IER5L: variants seen among roughly 807,000 people sequenced by gnomAD.
IER5L encodes immediate early response gene 5-like protein.
A neutral mutation model predicts 28.3 loss-of-function variants in IER5L; 6 were observed. The ratio of observed to expected loss-of-function variants is 0.21; its 90% CI spans 0.12 to 0.42. The LOEUF (loss-of-function observed/expected upper bound fraction) is 0.42, where lower values mean the gene tolerates loss of function less well. Ranked by LOEUF, IER5L falls within the 10% of genes least tolerant of loss-of-function variation. IER5L has a pLI of 1.00. For missense variants in IER5L, 607 were observed against 575.2 expected (o/e 1.06, Z -0.56); for synonymous variants, 351 against 282.5 (o/e 1.24, Z -2.43).
chr9:129,177,093 C>T lies in IER5L; in HGVS notation c.960G>A (p.Gly320=). ...CGCCCCCGGGGGGCTCGGCCCCCAG[C>T]CCGCCCGCATCCTCCTCGTCGTCTT... ...EEEDDEEDAG[G]LGAEPPGGAP... Residue 320 remains glycine (G), a synonymous_variant, in exon 1 of 1, where the codon GGG becomes GGA. Coordinates refer to ENST00000372491, the MANE Select transcript of IER5L (RefSeq NM_203434.3). The T allele has an allele frequency of 6.8e-7, 1 of 1,462,652 alleles. No homozygotes were observed. Among genetic ancestry groups the T allele is most frequent in the Non-Finnish European group, 9.0e-7 (1 of 1,108,846 alleles). 90.6% of individuals were successfully genotyped at this position (1,462,652 alleles called of 1,614,324 possible). A position where few individuals can be genotyped will look rare whatever the true frequency, so the allele number is the denominator to read the frequency against.
At position 129,177,679 on chromosome 9, in the gene IER5L, T is replaced by A; in HGVS notation, c.374A>T (p.Gln125Leu). 1 of 1,403,746 alleles carries A rather than the reference T, an allele frequency of 7.1e-7. No individual in the cohort carries two copies. The highest frequency in any genetic ancestry group is 9.3e-7 in the Non-Finnish European group (1 of 1,080,870). 87.0% of individuals were successfully genotyped at this position (1,403,746 alleles called of 1,614,324 possible). ...HQLHQLHLQQ[Q>L]LHQHQHPAPR... ...CGCCGGGTGCTGGTGCTGGTGCAGC[T>A]GCTGCTGGAGGTGCAGCTGGTGGAG... The change falls in exon 1 of 1, where the codon CAG becomes CTG. Residue 125 changes from glutamine (Q) to leucine (L), a missense_variant. Coordinates refer to ENST00000372491, the MANE Select transcript of IER5L (RefSeq NM_203434.3).
Position 129,176,661 on chromosome 9 carries a change from T to G in IER5L, c.*177A>C. On this transcript the variant is annotated 3_prime_UTR_variant, in exon 1 of 1. Coordinates refer to ENST00000372491, the MANE Select transcript of IER5L (RefSeq NM_203434.3). ...TCTGCAAAAATAAAGTCCAAGATTTTAGATTTCTTTTTTTTTTATTTTACA... is the reference window on the plus strand; with the variant it reads ...TCTGCAAAAATAAAGTCCAAGATTTGAGATTTCTTTTTTTTTTATTTTACA... The G allele has an allele frequency of 1.1e-6, 1 of 888,392 alleles. No individual in the cohort carries two copies. The highest frequency in any genetic ancestry group is 1.5e-6 in the Non-Finnish European group (1 of 648,946). The allele number at this position is 888,392 out of a possible 1,614,324, so 55.0% of individuals were successfully genotyped here.
rs1319607009 is a variant in IER5L at position 129,177,134 on chromosome 9, C to A, written c.919G>T (p.Gly307Cys). ...TCGTCGTCTTCCTCCTCCTCCTGGC[C>A]AGGGTAATACTTGCGCTTGCAGCCG... ...AAGCKRKYYP[G>C]QEEEEDDEED... Residue 307 changes from glycine (G) to cysteine (C), a missense_variant, in exon 1 of 1, where the codon GGC becomes TGC. By Grantham distance (159) the Gly-to-Cys change is radical. Transcript: ENST00000372491. 2 of 1,459,402 alleles carry A rather than the reference C, an allele frequency of 1.4e-6. No homozygotes were observed. The highest frequency in any genetic ancestry group is 3.0e-5 in the African/African-American group (2 of 67,306). 90.4% of individuals were successfully genotyped at this position (1,459,402 alleles called of 1,614,324 possible). A position where few individuals can be genotyped will look rare whatever the true frequency, so the allele number is the denominator to read the frequency against.
rs1456149884 is a variant in IER5L, at chr9:129,177,797, C to T, written c.256G>A (p.Ala86Thr). 3.3e-6 allele frequency: 5 copies of T among 1,501,140 alleles called. No individual in the cohort carries two copies. The highest frequency in any genetic ancestry group is 2.7e-6 in the Non-Finnish European group (3 of 1,130,002). 93.0% of individuals were successfully genotyped at this position (1,501,140 alleles called of 1,614,324 possible). ...AGTTGGAGCGGGCCGAAGTCGGCCG[C>T]GCTGGCCGGCATGCCCGGCGCCGCG... ...AYAAPGMPAS[A>T]ADFGPLQLGG... Residue 86 changes from alanine (A) to threonine (T), a missense_variant, in exon 1 of 1, where the codon GCG (alanine) becomes ACG (threonine). Ala to Thr is a moderately conservative substitution (Grantham distance 58). Coordinates refer to ENST00000372491, the MANE Select transcript of IER5L (RefSeq NM_203434.3).
In IER5L at chr9:129,177,756, G is replaced by C; in HGVS notation, c.297C>G (p.Asp99Glu). The C allele has an allele frequency of 6.9e-7, 1 of 1,454,544 alleles. No homozygotes were observed. The highest frequency in any genetic ancestry group is 9.0e-7 in the Non-Finnish European group (1 of 1,109,516). The allele number at this position is 1,454,544 out of a possible 1,614,324, so 90.1% of individuals were successfully genotyped here. A position where few individuals can be genotyped will look rare whatever the true frequency, so the allele number is the denominator to read the frequency against. ...FGPLQLGGGGDAEAREPAARH... is the reference protein window; with the variant it reads ...FGPLQLGGGGEAEAREPAARH... ...GGGCGGCCGGCTCGCGCGCCTCCGC[G>C]TCCCCGCCGCCGCCAAGTTGGAGCG... Residue 99 changes from aspartate (D) to glutamate (E), a missense_variant, in exon 1 of 1, where the codon GAC (aspartate) becomes GAG (glutamate). Physicochemically the swap from Asp to Glu is conservative, Grantham distance 45. Transcript: ENST00000372491.
Position 129,178,039 on chromosome 9 carries a change from A to G in IER5L, c.14T>C (p.Leu5Pro). 6.6e-7 allele frequency: 1 copy of G among 1,505,896 alleles called. No homozygotes were observed. The highest frequency in any genetic ancestry group is 8.9e-7 in the Non-Finnish European group (1 of 1,125,052). The allele number at this position is 1,505,896 out of a possible 1,614,324, so 93.3% of individuals were successfully genotyped here. Residue 5 changes from leucine (L) to proline (P), a missense_variant, in exon 1 of 1, where the codon CTG becomes CCG. Leu to Pro is a moderately conservative substitution (Grantham distance 98, BLOSUM62 -3). Coordinates refer to ENST00000372491, the MANE Select transcript of IER5L (RefSeq NM_203434.3). MECA[L>P]DAQSLISISL... Reference sequence around the variant, plus strand: ...GATGCTGATCAGGCTCTGGGCGTCCAGGGCGCACTCCATGCTCCCGCGGAG... The same window carrying G: ...GATGCTGATCAGGCTCTGGGCGTCCGGGGCGCACTCCATGCTCCCGCGGAG...
Position 129,177,853 on chromosome 9 carries a change from G to A in IER5L, c.200C>T (p.Pro67Leu). The change falls in exon 1 of 1, where the codon CCG becomes CTG. Residue 67 changes from proline to leucine, a missense_variant. Pro to Leu is a moderately conservative substitution (Grantham distance 98). Transcript: ENST00000372491. ...RRQQQQQQQQ[P>L]PHHQHQHLAY... ...TAGGTGCTGGTGCTGGTGGTGGGGCGGCTGCTGCTGTTGCTGCTGCTGCTG... is the reference window on the plus strand; with the variant it reads ...TAGGTGCTGGTGCTGGTGGTGGGGCAGCTGCTGCTGTTGCTGCTGCTGCTG... 6.5e-7 allele frequency: 1 copy of A among 1,540,008 alleles called. No individual in the cohort carries two copies. The highest frequency in any genetic ancestry group is 1.2e-5 in the South Asian group (1 of 83,198).
Position 129,177,781 on chromosome 9 carries a change from G to T in IER5L, c.272C>A (p.Pro91Gln). The T allele has an allele frequency of 6.8e-7, 1 of 1,473,894 alleles. No individual in the cohort carries two copies. The highest frequency in any genetic ancestry group is 1.3e-5 in the South Asian group (1 of 76,718). 91.3% of individuals were successfully genotyped at this position (1,473,894 alleles called of 1,614,324 possible). A position where few individuals can be genotyped will look rare whatever the true frequency, so the allele number is the denominator to read the frequency against. The stretch of plus-strand genomic sequence containing the variant: ...GTCCCCGCCGCCGCCAAGTTGGAGC[G>T]GGCCGAAGTCGGCCGCGCTGGCCGG... Reference protein sequence around the residue: ...GMPASAADFGPLQLGGGGDAE... With the variant: ...GMPASAADFGQLQLGGGGDAE... Residue 91 changes from proline to glutamine, a missense_variant, in exon 1 of 1, where the codon CCG (proline) becomes CAG (glutamine). Coordinates refer to ENST00000372491, the MANE Select transcript of IER5L (RefSeq NM_203434.3).
In IER5L at chr9:129,176,702, G is replaced by GCCGCCTGCCC. The variant is rs1461240159; in HGVS notation, c.*126_*135dup. On this transcript the variant is annotated 3_prime_UTR_variant, in exon 1 of 1. Coordinates refer to ENST00000372491, the MANE Select transcript of IER5L (RefSeq NM_203434.3). ...TTATTTTACAATTTATAAAACATCAGCCGCCTGCCCCCGCTCGCCCCCAGC... is the reference window on the plus strand; with the variant it reads ...TTATTTTACAATTTATAAAACATCAGCCGCCTGCCCCCGCCTGCCCCCGCTCGCCCCCAGC... The GCCGCCTGCCC allele has an allele frequency of 9.2e-7, 1 of 1,090,012 alleles. No homozygotes were observed. 67.5% of individuals were successfully genotyped at this position (1,090,012 alleles called of 1,614,324 possible).
chr9:129,177,768 G>A lies in IER5L; in HGVS notation c.285C>T (p.Gly95=). The stretch of plus-strand genomic sequence containing the variant: ...CGCGCGCCTCCGCGTCCCCGCCGCC[G>A]CCAAGTTGGAGCGGGCCGAAGTCGG... ...SAADFGPLQL[G]GGGDAEAREP... Residue 95 remains glycine (G), a synonymous_variant, in exon 1 of 1, where the codon GGC becomes GGT. Coordinates refer to ENST00000372491, the MANE Select transcript of IER5L (RefSeq NM_203434.3). 6.8e-7 allele frequency: 1 copy of A among 1,461,198 alleles called. No homozygotes were observed. The highest frequency in any genetic ancestry group is 1.3e-5 in the South Asian group (1 of 74,914). The allele number at this position is 1,461,198 out of a possible 1,614,324, so 90.5% of individuals were successfully genotyped here.
chr9:129,178,093 T>C lies in IER5L; in HGVS notation c.-41A>G. ...GCGGCGGAGCAGCCGCCGCCGCTGCTGCTGTTAACGCTTCTGCTGTTTCTG... is the reference window on the plus strand; with the variant it reads ...GCGGCGGAGCAGCCGCCGCCGCTGCCGCTGTTAACGCTTCTGCTGTTTCTG... On this transcript the variant is annotated 5_prime_UTR_variant, in exon 1 of 1. Transcript: ENST00000372491. 4.4e-6 allele frequency: 6 copies of C among 1,374,254 alleles called. No individual in the cohort carries two copies. Among genetic ancestry groups the C allele is most frequent in the Non-Finnish European group, 4.7e-6 (5 of 1,061,522 alleles). The allele number at this position is 1,374,254 out of a possible 1,614,324, so 85.1% of individuals were successfully genotyped here. A position where few individuals can be genotyped will look rare whatever the true frequency, so the allele number is the denominator to read the frequency against.
At position 129,176,664 on chromosome 9, in the gene IER5L, A is replaced by AT; in HGVS notation, c.*173dup. 3 of 902,264 alleles carry AT rather than the reference A, an allele frequency of 3.3e-6. No homozygotes were observed. Among genetic ancestry groups the AT allele is most frequent in the Non-Finnish European group, 4.5e-6 (3 of 661,628 alleles). 55.9% of individuals were successfully genotyped at this position (902,264 alleles called of 1,614,324 possible). A position where few individuals can be genotyped will look rare whatever the true frequency, so the allele number is the denominator to read the frequency against. ...GCAAAAATAAAGTCCAAGATTTTAG[A>AT]TTTCTTTTTTTTTTATTTTACAATT... On this transcript the variant is annotated 3_prime_UTR_variant, in exon 1 of 1. Transcript: ENST00000372491.
chr9:129,176,954 G>A lies in IER5L; in HGVS notation c.1099C>T (p.Leu367=), dbSNP rs1195477578. 3 of 1,603,954 alleles carry A rather than the reference G, an allele frequency of 1.9e-6. No homozygotes were observed. The highest frequency in any genetic ancestry group is 4.6e-5 in the East Asian group (2 of 43,924). ...GAGGAGTCCGGCTGTCGGCTCACCAGCCCCGAGAAGCCGGAGCCAAAGATG... is the reference window on the plus strand; with the variant it reads ...GAGGAGTCCGGCTGTCGGCTCACCAACCCCGAGAAGCCGGAGCCAAAGATG... ...ISIFGSGFSG[L]VSRQPDSSEQ... The change falls in exon 1 of 1, where the codon CTG becomes TTG. Residue 367 remains leucine (L), a synonymous_variant. Coordinates refer to ENST00000372491, the MANE Select transcript of IER5L (RefSeq NM_203434.3).
rs746867931 is a variant in IER5L at position 129,176,895 on chromosome 9, G to A, written c.1158C>T (p.Cys386=). 9 of 1,603,626 alleles carry A rather than the reference G, an allele frequency of 5.6e-6. No homozygotes were observed. Among genetic ancestry groups the A allele is most frequent in the Middle Eastern group, 1.7e-4 (1 of 5,894 alleles). ...CGAGGCTGGCGAGCGCCTGCTTGGC[G>A]CACAGCTGCCCGTTGAGCGGCGGCG... is the stretch of plus-strand genomic sequence containing the variant. ...EQPPPLNGQL[C]AKQALASLGA... is the part of the protein sequence containing the mutation. The change falls in exon 1 of 1, where the codon TGC becomes TGT. Residue 386 remains cysteine, a synonymous_variant. Transcript: ENST00000372491.
In IER5L at chr9:129,177,126, C is replaced by G; in HGVS notation, c.927G>C (p.Glu309Asp). ...GCKRKYYPGQ[E>D]EEEDDEEDAG... The stretch of plus-strand genomic sequence containing the variant: ...CATCCTCCTCGTCGTCTTCCTCCTC[C>G]TCCTGGCCAGGGTAATACTTGCGCT... Residue 309 changes from glutamate to aspartate, a missense_variant, in exon 1 of 1, where the codon GAG (glutamate) becomes GAC (aspartate). Coordinates refer to ENST00000372491, the MANE Select transcript of IER5L (RefSeq NM_203434.3). The G allele has an allele frequency of 5.5e-6, 8 of 1,465,788 alleles. No homozygotes were observed. Among genetic ancestry groups the G allele is most frequent in the Non-Finnish European group, 7.2e-6 (8 of 1,110,988 alleles). The allele number at this position is 1,465,788 out of a possible 1,614,324, so 90.8% of individuals were successfully genotyped here.
Position 129,177,322 on chromosome 9 carries a change from G to A in IER5L, c.731C>T (p.Ser244Leu). 1.4e-6 allele frequency: 2 copies of A among 1,412,712 alleles called. No individual in the cohort carries two copies. Among genetic ancestry groups the A allele is most frequent in the Non-Finnish European group, 9.2e-7 (1 of 1,084,900 alleles). 87.5% of individuals were successfully genotyped at this position (1,412,712 alleles called of 1,614,324 possible). A position where few individuals can be genotyped will look rare whatever the true frequency, so the allele number is the denominator to read the frequency against. The change falls in exon 1 of 1, where the codon TCG becomes TTG. Residue 244 changes from serine (S) to leucine (L), a missense_variant. By Grantham distance (145) the Ser-to-Leu change is moderately radical. Coordinates refer to ENST00000372491, the MANE Select transcript of IER5L (RefSeq NM_203434.3). ...GCTGCTGCAGTGCAAGCCGAAGTCCGAAGGGGTAGGGTATGCGCCCCGGTA... is the reference window on the plus strand; with the variant it reads ...GCTGCTGCAGTGCAAGCCGAAGTCCAAAGGGGTAGGGTATGCGCCCCGGTA... ...GFYRGAYPTP[S>L]DFGLHCSSQT...
In IER5L at chr9:129,176,823, T is replaced by C; in HGVS notation, c.*15A>G. ...AGCCCCGCGGGGCCCCGGGTCCCTG[T>C]GCCCTCGGGGGTCCCTAGAAGGCGA... On this transcript the variant is annotated 3_prime_UTR_variant, in exon 1 of 1. Transcript: ENST00000372491. 1 of 1,553,828 alleles carries C rather than the reference T, an allele frequency of 6.4e-7. No individual in the cohort carries two copies. The highest frequency in any genetic ancestry group is 8.7e-7 in the Non-Finnish European group (1 of 1,153,980).
In IER5L at chr9:129,175,706, G is replaced by A. The variant is rs781514477; in HGVS notation, c.*1132C>T. Reference sequence around the variant, plus strand: ...CAACTCGTTTTGGAGTCCACACGGTGCTGATGGCAGAGAACCAGAGGGGCT... The same window carrying A: ...CAACTCGTTTTGGAGTCCACACGGTACTGATGGCAGAGAACCAGAGGGGCT... On this transcript the variant is annotated 3_prime_UTR_variant, in exon 1 of 1. Coordinates refer to ENST00000372491, the MANE Select transcript of IER5L (RefSeq NM_203434.3). This position sits in a 1 kb window ranked among gnomAD's most constrained non-coding sequence, Gnocchi z 5.2. 3.9e-5 allele frequency: 6 copies of A among 152,254 alleles called. No homozygotes were observed. Among genetic ancestry groups the A allele is most frequent in the Non-Finnish European group, 8.8e-5 (6 of 68,084 alleles). 9.4% of individuals were successfully genotyped at this position (152,254 alleles called of 1,614,324 possible). A position where few individuals can be genotyped will look rare whatever the true frequency, so the allele number is the denominator to read the frequency against.
Position 129,176,715 on chromosome 9 carries a change from G to T in IER5L, c.*123C>A. The T allele has an allele frequency of 4.1e-6, 5 of 1,214,936 alleles. No individual in the cohort carries two copies. Among genetic ancestry groups the T allele is most frequent in the South Asian group, 4.7e-5 (2 of 42,108 alleles). The allele number at this position is 1,214,936 out of a possible 1,614,324, so 75.3% of individuals were successfully genotyped here. A position where few individuals can be genotyped will look rare whatever the true frequency, so the allele number is the denominator to read the frequency against. On this transcript the variant is annotated 3_prime_UTR_variant, in exon 1 of 1. Coordinates refer to ENST00000372491, the MANE Select transcript of IER5L (RefSeq NM_203434.3). ...TATAAAACATCAGCCGCCTGCCCCC[G>T]CTCGCCCCCAGCTCAGCCCCGAGTG...
Sources: allele counts gnomAD v4.1 joint callset, GRCh38; gene constraint gnomAD v4.1.1; non-coding constraint Gnocchi (gnomAD v3.1); transcripts MANE v1.5; gene names NCBI Gene and HGNC (gene_info 2026-07-23, HGNC 2026-07-21).